Variants in CELF5 observed in about 807,000 individuals in gnomAD.
CELF5 encodes the protein CUGBP Elav-like family member 5, also known as CUG-BP and ETR-3 like factor 5.
A neutral mutation model predicts 54.9 loss-of-function variants in CELF5; 6 were observed. The ratio of observed to expected loss-of-function variants is 0.11; its 90% CI spans 0.06 to 0.22. The LOEUF is 0.22. Among genes scored for constraint, CELF5 ranks in the 10% least tolerant of loss-of-function variants. The pLI is 1.00. For missense variants in CELF5, 401 were observed against 678.6 expected (o/e 0.59, Z 4.54); for synonymous variants, 271 against 290.9 (o/e 0.93, Z 0.70).
At chr19:3,248,853 T>TTCCTTCCTTCCTTCCTTC (rs2079603439) in intron 1 of CELF5, among the ~76,000 whole-genome samples, 2 of 118,826 alleles carry the variant, frequency 1.7e-5, no homozygotes, top group African/African-American at 7.0e-5. Flanking sequence ...TTTCTTTCTT[T>TTCCTTCCTTCCTTCCTTC]CTTCCTTCCT....
chr19:3,253,140 A>T (rs1422097211), intron 2 of CELF5, among the ~76,000 whole-genome samples: 1 of 152,180 alleles, frequency 6.6e-6, no homozygotes, highest in African/African-American at 2.4e-5. Context: ...CAACCGAACA[A>T]AAAATCAAAC....
intron 1 of CELF5, among the ~76,000 whole-genome samples, chr19:3,250,257 G>T (rs1698481063): frequency 6.6e-6 from 1 of 152,208 alleles, no homozygotes; most frequent in Admixed American, 6.5e-5. Flanking sequence ...GGGAGGCCGA[G>T]GCGGGCAGAT....
chr19:3,247,527 G>C (rs946802010), intron 1 of CELF5, among the ~76,000 whole-genome samples: 5 of 151,536 alleles, frequency 3.3e-5, no homozygotes, highest in African/African-American at 9.7e-5. Context: ...CTCCCAAAGT[G>C]CTGGGATTAC....
At chr19:3,251,504 G>T (rs1027473458) in intron 2 of CELF5, among the ~76,000 whole-genome samples, 3 of 152,102 alleles carry the variant, frequency 2.0e-5, no homozygotes, top group Non-Finnish European at 4.4e-5. Context: ...GGAAGGGCAG[G>T]GGAGGTGACA....
chr19:3,254,273 C>A (rs925551489), intron 2 of CELF5, among the ~76,000 whole-genome samples: 3 of 152,138 alleles, frequency 2.0e-5, no homozygotes, highest in African/African-American at 7.2e-5. Flanking sequence ...TCCATCCATG[C>A]ACCTTTCCAT....
chr19:3,286,813 T>C (rs1212548040), intron 10 of CELF5: 1 of 144,898 alleles, frequency 6.9e-6, no homozygotes, highest in Admixed American at 7.0e-5. Flanking sequence ...GGCGGGCGGA[T>C]CACAAGGTCA....
chr19:3,250,917 TG>T, intron 1 of CELF5, 67 bp from the exon 2 acceptor site: 1 of 1,150,282 alleles, frequency 8.7e-7, no homozygotes, highest in Non-Finnish European at 1.3e-6. Context: ...GTGGCCACTG[TG>T]GGTGGTGCTG....
At chr19:3,226,338 G>C (rs1028537107) in intron 1 of CELF5, among the ~76,000 whole-genome samples, 6 of 152,102 alleles carry the variant, frequency 3.9e-5, no homozygotes, top group African/African-American at 1.4e-4. Context: ...GGTCTGGTGA[G>C]ATGGGGCCCA....
intron 1 of CELF5, among the ~76,000 whole-genome samples, chr19:3,232,851 G>C (rs1196715669): frequency 6.6e-6 from 1 of 152,098 alleles, no homozygotes; most frequent in Non-Finnish European, 1.5e-5. Context: ...GAGGTGGGTG[G>C]ATCACCAGAG....
rs1002188300 is a variant in CELF5 at position 3,275,696 on chromosome 19, G to A, written c.395-160G>A. Among the ~76,000 whole-genome samples the A allele has an allele frequency of 1.3e-5, 2 of 152,204 alleles. No individual in the cohort carries two copies. The highest frequency in any genetic ancestry group is 4.8e-5 in the African/African-American group (2 of 41,470). ...GAGAGATCCGGGGCAGGGAAAGGGCGCGGCTGGGTCCTCCCTCGCACGCGC... is the reference window on the plus strand; with the variant it reads ...GAGAGATCCGGGGCAGGGAAAGGGCACGGCTGGGTCCTCCCTCGCACGCGC... On this transcript the variant is annotated intron_variant, in intron 3 of 12. Coordinates refer to ENST00000292672, the MANE Select transcript of CELF5 (RefSeq NM_021938.4). The surrounding 1 kb of genome is among the most constrained non-coding windows in gnomAD (Gnocchi z 6.7).
intron 1 of CELF5, among the ~76,000 whole-genome samples, chr19:3,239,444 C>T (rs1325795547): frequency 6.6e-6 from 1 of 152,020 alleles, no homozygotes; most frequent in Non-Finnish European, 1.5e-5. Flanking sequence ...CTGTGTTGCC[C>T]AGGCTCGTCT....
At chr19:3,245,570 C>CAA (rs79993342) in intron 1 of CELF5, among the ~76,000 whole-genome samples, 36 of 111,718 alleles carry the variant, frequency 3.2e-4, no homozygotes, top group Admixed American at 6.4e-4. Flanking sequence ...AGTCCACAGG[C>CAA]AAAAAAAAAA....
chr19:3,244,535 G>C (rs1448127259), intron 1 of CELF5, among the ~76,000 whole-genome samples: 1 of 150,478 alleles, frequency 6.6e-6, no homozygotes, highest in Non-Finnish European at 1.5e-5. Flanking sequence ...CTGCGTGTGT[G>C]TGTAGTGTGT....
At chr19:3,288,741 G>A (rs72989210) in intron 10 of CELF5, among the ~76,000 whole-genome samples, 38,085 of 151,858 alleles carry the variant, frequency 0.25, 5,680 homozygotes, top group Middle Eastern at 0.35. Context: ...CCAGCTACTC[G>A]GGAGGCCAAA....
intron 10 of CELF5, 91 bp from the exon 11 acceptor site, chr19:3,290,140 C>G: frequency 1.0e-6 from 1 of 960,392 alleles, no homozygotes. Context: ...GCTGGAGAAG[C>G]CAGATGCGGG....
At chr19:3,285,669 A>ACCCCC (rs79366304) in intron 9 of CELF5, among the ~76,000 whole-genome samples, 6 of 42,176 alleles carry the variant, frequency 1.4e-4, no homozygotes, top group African/African-American at 7.2e-4. Flanking sequence ...GTCCGCCCCC[A>ACCCCC]CCCCCCCTTC....
chr19:3,273,827 C>T (rs750259966), intron 2 of CELF5, 45 bp from the exon 3 acceptor site: 5 of 1,408,456 alleles, frequency 3.5e-6, no homozygotes, highest in African/African-American at 2.9e-5. Flanking sequence ...GCCTGCCACA[C>T]CCCCACTGCT....
At chr19:3,249,807 C>T (rs1371679444) in intron 1 of CELF5, among the ~76,000 whole-genome samples, 2 of 152,228 alleles carry the variant, frequency 1.3e-5, no homozygotes, top group Non-Finnish European at 2.9e-5. Flanking sequence ...TCCAAGGCTA[C>T]ACTGCTGGTC....
intron 1 of CELF5, among the ~76,000 whole-genome samples, chr19:3,247,864 C>T (rs974008422): frequency 1.3e-5 from 2 of 151,548 alleles, no homozygotes; most frequent in Admixed American, 6.6e-5. Flanking sequence ...CGGGTTCAAA[C>T]GATTCTCATG....
Sources: gnomAD v4.1 joint callset for allele counts (sites outside exome capture counted in the v4.1 genomes callset) on GRCh38, gnomAD v4.1.1 for gene constraint, Gnocchi (gnomAD v3.1) non-coding constraint, MANE v1.5 for transcripts, NCBI Gene and HGNC (gene_info 2026-07-23, HGNC 2026-07-21) for gene names.